The following PHLPP1 variants were observed in gnomAD, a reference collection of about 807,000 sequenced individuals.
The protein encoded by PHLPP1 is PH domain and leucine rich repeat protein phosphatase 1, also known as PH domain leucine-rich repeat-containing protein phosphatase 1.
In PHLPP1, 42 loss-of-function variants were observed where a neutral mutation model predicts 117.2. The observed-to-expected ratio is 0.36, with a 90% confidence interval of 0.28 to 0.46. The LOEUF is 0.46. PHLPP1 is among the 20% of genes least tolerant of loss of function. PHLPP1 has a pLI of 1.00. For missense variants in PHLPP1, 2,084 were observed against 2,241.9 expected, an observed-to-expected ratio of 0.93 and a Z score of 1.42; for synonymous variants, 1,042 against 970.7, an observed-to-expected ratio of 1.07 and a Z score of -1.37.
At chr18:62,824,932 CTT>C (rs200225377) in intron 1 of PHLPP1, among the ~76,000 whole-genome samples, 1 of 140,340 alleles carries the variant, frequency 7.1e-6, no homozygotes, top group Non-Finnish European at 1.5e-5. Context: ...AATATATATA[CTT>C]TTTTTTTTTT....
chr18:62,730,840 T>G lies in PHLPP1; in HGVS notation c.1576+13581T>G, dbSNP rs188627444. 1.1e-4 allele frequency among the ~76,000 whole-genome samples: 16 copies of G among 152,196 alleles called. No homozygotes were observed. In the East Asian group the frequency reaches 3.1e-3, roughly 29 times the overall value. ...TGAAGAACTTTGTGAGATTCAGATT[T>G]GATGATACGTGTGGAAGTGCTTTGT... On this transcript the variant is annotated intron_variant, in intron 1 of 16. Transcript: ENST00000262719.
chr18:62,926,786 ATGT>A (rs1483268010), intron 10 of PHLPP1, among the ~76,000 whole-genome samples: 2 of 152,196 alleles, frequency 1.3e-5, no homozygotes, highest in Non-Finnish European at 2.9e-5. Context: ...TCTGTGAGAA[ATGT>A]TGTTCCTTTA....
intron 12 of PHLPP1, among the ~76,000 whole-genome samples, chr18:62,957,656 C>G (rs1440760456): frequency 6.6e-6 from 1 of 150,544 alleles, no homozygotes; most frequent in East Asian, 1.9e-4. Context: ...GGGTCTTGCT[C>G]TGTCGCCCAG....
chr18:62,968,351 G>T (rs1910960851), intron 14 of PHLPP1, among the ~76,000 whole-genome samples: 1 of 151,958 alleles, frequency 6.6e-6, no homozygotes, highest in African/African-American at 2.4e-5. Context: ...ATATTTAAAA[G>T]AATTCACCAG....
In PHLPP1 at chr18:62,941,768, C is replaced by T. The variant is rs370462512; in HGVS notation, c.3011C>T (p.Ala1004Val). The change falls in exon 11 of 17, where the codon GCC becomes GTC. Residue 1004 changes from alanine (A) to valine (V), a missense_variant. Ala to Val is a moderately conservative substitution (Grantham distance 64). Transcript: ENST00000262719. The part of the protein sequence containing the change: ...SANKLESLPP[A>V]TLSEETNSIL... ...AACAAACTGGAAAGCCTTCCTCCAGCCACGCTTTCCGAAGAGACAAACAGT... is the reference window on the plus strand; with the variant it reads ...AACAAACTGGAAAGCCTTCCTCCAGTCACGCTTTCCGAAGAGACAAACAGT... The T allele has an allele frequency of 7.4e-6, 12 of 1,613,688 alleles. No homozygotes were observed. In the African/African-American group the frequency reaches 1.3e-4, roughly 18 times the overall value.
chr18:62,813,984 G>A (rs188977912), intron 1 of PHLPP1, among the ~76,000 whole-genome samples: 277 of 151,266 alleles, frequency 1.8e-3, no homozygotes, highest in African/African-American at 6.6e-3. Flanking sequence ...AATTACTTTA[G>A]CCCTATGTTT....
chr18:62,789,799 C>A (rs182732953), intron 1 of PHLPP1, among the ~76,000 whole-genome samples: 1 of 152,060 alleles, frequency 6.6e-6, no homozygotes, highest in Non-Finnish European at 1.5e-5. Flanking sequence ...GCACCCGAGA[C>A]CAATTTAATA....
intron 4 of PHLPP1, among the ~76,000 whole-genome samples, chr18:62,890,765 C>T (rs765561238): frequency 3.2e-4 from 49 of 152,188 alleles, no homozygotes; most frequent in Non-Finnish European, 6.5e-4. Context: ...ACTAGCTCTG[C>T]AGCCTTTCTG....
At chr18:62,944,146 C>T (rs1262053234) in intron 11 of PHLPP1, among the ~76,000 whole-genome samples, 2 of 151,174 alleles carry the variant, frequency 1.3e-5, no homozygotes, top group African/African-American at 2.4e-5. Flanking sequence ...AAAATGTAAA[C>T]TATTATTCAG....
At chr18:62,846,956 C>G (rs1049759574) in intron 3 of PHLPP1, among the ~76,000 whole-genome samples, 8 of 151,962 alleles carry the variant, frequency 5.3e-5, no homozygotes, top group African/African-American at 1.9e-4. Context: ...TTCTGAAATC[C>G]TAGTTAATAT....
In PHLPP1 at chr18:62,847,621, G is replaced by A. The variant is rs187969662; in HGVS notation, c.1899+8712G>A. The stretch of plus-strand genomic sequence containing the variant: ...CCTTGTAAGGTAGTTGACAAGAAGC[G>A]AATATTAATATTAACTGCAGTTTTC... On this transcript the variant is annotated intron_variant, in intron 3 of 16. Transcript: ENST00000262719. Among the ~76,000 whole-genome samples, 9 of 152,046 alleles carry A rather than the reference G, an allele frequency of 5.9e-5. 1 individual carries two copies. The highest frequency in any genetic ancestry group is 4.6e-4 in the Admixed American group (7 of 15,260).
At chr18:62,808,855 G>C (rs1056055209) in intron 1 of PHLPP1, among the ~76,000 whole-genome samples, 1 of 152,030 alleles carries the variant, frequency 6.6e-6, no homozygotes, top group African/African-American at 2.4e-5. Flanking sequence ...TGCCTGGCCT[G>C]GAATTTGTAT....
intron 1 of PHLPP1, chr18:62,825,428 CATATT>C (rs1914584080): frequency 2.0e-5 from 3 of 146,492 alleles, no homozygotes; most frequent in Admixed American, 6.9e-5. Flanking sequence ...TATTTTATTA[CATATT>C]ATATTTATTA....
chr18:62,959,257 G>T (rs1910700707), intron 13 of PHLPP1, among the ~76,000 whole-genome samples: 1 of 152,080 alleles, frequency 6.6e-6, no homozygotes, highest in Non-Finnish European at 1.5e-5. Flanking sequence ...TGTCTATTAA[G>T]AATTAAATAA....
At chr18:62,965,241 T>C (rs1910868888) in intron 14 of PHLPP1, among the ~76,000 whole-genome samples, 1 of 152,186 alleles carries the variant, frequency 6.6e-6, no homozygotes, top group African/African-American at 2.4e-5. Context: ...TGTTTTTGTT[T>C]GCATTGTCAA....
chr18:62,800,199 C>G (rs777450418), intron 1 of PHLPP1, among the ~76,000 whole-genome samples: 7 of 152,192 alleles, frequency 4.6e-5, no homozygotes, highest in Non-Finnish European at 1.0e-4. Flanking sequence ...CCCCCACTGG[C>G]TGAATCCAGT....
chr18:62,817,662 T>G (rs1208687234), intron 1 of PHLPP1, among the ~76,000 whole-genome samples: 1 of 151,896 alleles, frequency 6.6e-6, no homozygotes, highest in Non-Finnish European at 1.5e-5. Flanking sequence ...GAAAAAAAAT[T>G]TAAAATAATG....
At chr18:62,965,323 A>G (rs1428024337) in intron 14 of PHLPP1, among the ~76,000 whole-genome samples, 4 of 152,006 alleles carry the variant, frequency 2.6e-5, no homozygotes, top group African/African-American at 9.7e-5. Context: ...CTCTCTCCGA[A>G]TCTCAATAGA....
At chr18:62,838,980 G>C in intron 3 of PHLPP1, 71 bp downstream of exon 3, 1 of 1,540,748 alleles carries the variant, frequency 6.5e-7, no homozygotes, top group East Asian at 2.3e-5. Flanking sequence ...TGCTTTAGCT[G>C]GGTCTAAAAT....
Sources: allele counts gnomAD v4.1 joint callset (sites outside exome capture counted in the v4.1 genomes callset), GRCh38; gene constraint gnomAD v4.1.1; transcripts MANE v1.5; gene names NCBI Gene and HGNC (gene_info 2026-07-23, HGNC 2026-07-21).